Variants in ABHD17C observed in about 807,000 individuals in gnomAD.
The protein encoded by ABHD17C is abhydrolase domain containing 17C, depalmitoylase.
In ABHD17C, 11 loss-of-function variants were observed where a neutral mutation model predicts 27.9. The observed-to-expected ratio is 0.39, with a 90% confidence interval of 0.25 to 0.65. The LOEUF is 0.65. ABHD17C is among the 30% of genes least tolerant of loss of function. The pLI is 0.45. For missense variants in ABHD17C, 280 were observed against 470.2 expected (o/e 0.60, Z 3.74); for synonymous variants, 233 against 209.1 (o/e 1.11, Z -0.98).
At chr15:80,722,834 C>T (rs1397107670) in intron 1 of ABHD17C, among the ~76,000 whole-genome samples, 1 of 152,146 alleles carries the variant, frequency 6.6e-6, no homozygotes, top group Non-Finnish European at 1.5e-5. Flanking sequence ...CTGTGTCTGG[C>T]TTATTTCATG....
chr15:80,713,666 G>T (rs141138337), intron 1 of ABHD17C, among the ~76,000 whole-genome samples: 16,979 of 151,728 alleles, frequency 0.11, 1,088 homozygotes, highest in Middle Eastern at 0.15. Flanking sequence ...AAAATTAGCC[G>T]AGCGTGGTGG....
At chr15:80,701,427 C>T (rs1023953974) in intron 1 of ABHD17C, among the ~76,000 whole-genome samples, 1 of 151,828 alleles carries the variant, frequency 6.6e-6, no homozygotes, top group Admixed American at 6.6e-5. Context: ...AGCTGTAATC[C>T]CAGCACTTTG....
chr15:80,709,502 C>A (rs912053863), intron 1 of ABHD17C, among the ~76,000 whole-genome samples: 134 of 142,276 alleles, frequency 9.4e-4, no homozygotes, highest in African/African-American at 2.5e-3. Context: ...AAAAAAAAAA[C>A]AAAAAAACAC....
Position 80,754,578 on chromosome 15 carries a change from G to A in ABHD17C, c.*208G>A, listed in dbSNP as rs534899820. On this transcript the variant is annotated 3_prime_UTR_variant, in exon 3 of 3. Coordinates refer to ENST00000258884, the MANE Select transcript of ABHD17C (RefSeq NM_021214.2). ...ACACAACACGTTAAACTGAACAGTC[G>A]TGATTCCCAGCTTCATTACCTTGCA... 14 of 537,408 alleles carry A rather than the reference G, an allele frequency of 2.6e-5. No individual in the cohort carries two copies. The highest frequency in any genetic ancestry group is 6.2e-5 in the East Asian group (2 of 32,518). 33.3% of individuals were successfully genotyped at this position (537,408 alleles called of 1,614,324 possible).
At chr15:80,736,570 A>G (rs1484046737) in intron 1 of ABHD17C, among the ~76,000 whole-genome samples, 1 of 152,208 alleles carries the variant, frequency 6.6e-6, no homozygotes, top group African/African-American at 2.4e-5. Flanking sequence ...TTATAAAGTT[A>G]GTAGGATTTC....
chr15:80,703,076 G>A lies in ABHD17C; in HGVS notation c.590+7057G>A, dbSNP rs117760329. Reference sequence around the variant, plus strand: ...AAATGCAAGATCGAGGCACTTGCATGTTTGGTGTCCGATGATGACTGCTCT... The same window carrying A: ...AAATGCAAGATCGAGGCACTTGCATATTTGGTGTCCGATGATGACTGCTCT... On this transcript the variant is annotated intron_variant, in intron 1 of 2. Coordinates refer to ENST00000258884, the MANE Select transcript of ABHD17C (RefSeq NM_021214.2). The A allele has an allele frequency of 4.4e-4, 67 of 152,336 alleles. 3 individuals carry two copies. The East Asian group carries it at 0.013, about 29-fold the overall frequency. The allele number at this position is 152,336 out of a possible 1,614,324, so 9.4% of individuals were successfully genotyped here.
chr15:80,720,468 T>C (rs1426895027), intron 1 of ABHD17C, among the ~76,000 whole-genome samples: 1 of 152,190 alleles, frequency 6.6e-6, no homozygotes, highest in African/African-American at 2.4e-5. Context: ...GAAGGCATTG[T>C]CCTGTAGGCA....
chr15:80,726,993 G>A (rs1894989686), intron 1 of ABHD17C, among the ~76,000 whole-genome samples: 1 of 152,130 alleles, frequency 6.6e-6, no homozygotes, highest in African/African-American at 2.4e-5. Flanking sequence ...CCTAGTGCTG[G>A]GAGTTGAAAT....
chr15:80,713,190 G>T (rs1316296005), intron 1 of ABHD17C, among the ~76,000 whole-genome samples: 2 of 151,570 alleles, frequency 1.3e-5, no homozygotes, highest in Admixed American at 6.6e-5. Context: ...GCTCTCAGGC[G>T]CAGTGATGAG....
chr15:80,726,501 G>GTTTTTTTTTTT (rs10572505), intron 1 of ABHD17C, among the ~76,000 whole-genome samples: 9 of 94,500 alleles, frequency 9.5e-5, no homozygotes, highest in African/African-American at 4.8e-4. Flanking sequence ...TCTTTTTCTG[G>GTTTTTTTTTTT]TTTTTTTTTT....
At chr15:80,731,764 A>G (rs916637821) in intron 1 of ABHD17C, among the ~76,000 whole-genome samples, 15 of 152,194 alleles carry the variant, frequency 9.9e-5, no homozygotes, top group African/African-American at 3.1e-4. Context: ...AATCTCATTT[A>G]GAATTCAGGA....
chr15:80,744,687 A>G (rs781343378), intron 1 of ABHD17C, among the ~76,000 whole-genome samples: 1 of 152,192 alleles, frequency 6.6e-6, no homozygotes, highest in Non-Finnish European at 1.5e-5. Context: ...TTTTTTCCCA[A>G]CAAGTCACTG....
At chr15:80,744,601 A>G (rs1442939927) in intron 1 of ABHD17C, among the ~76,000 whole-genome samples, 1 of 152,224 alleles carries the variant, frequency 6.6e-6, no homozygotes, top group Non-Finnish European at 1.5e-5. Flanking sequence ...TTGTTTTCTG[A>G]GCCCTTTGAA....
chr15:80,695,578 G>GCGGCGC lies in ABHD17C; in HGVS notation c.156_161dup (p.Gly53_Ala54dup). Reference sequence around the variant, plus strand: ...TACACGGTGCTGGCGCCGGAGCAGCGCGGCGCCGGCGCGTCCGCCCCGGCC... The same window carrying GCGGCGC: ...TACACGGTGCTGGCGCCGGAGCAGCGCGGCGCCGGCGCCGGCGCGTCCGCCCCGGCC... On this transcript the variant is annotated inframe_insertion, in exon 1 of 3. Transcript: ENST00000258884. The surrounding 1 kb of genome is among the most constrained non-coding windows in gnomAD (Gnocchi z 4.3). The GCGGCGC allele has an allele frequency of 8.9e-7, 1 of 1,122,580 alleles. No individual in the cohort carries two copies. The highest frequency in any genetic ancestry group is 1.7e-5 in the African/African-American group (1 of 59,288). The allele number at this position is 1,122,580 out of a possible 1,614,324, so 69.5% of individuals were successfully genotyped here. A position where few individuals can be genotyped will look rare whatever the true frequency, so the allele number is the denominator to read the frequency against.
chr15:80,699,722 G>A (rs1315920429), intron 1 of ABHD17C, among the ~76,000 whole-genome samples: 1 of 152,216 alleles, frequency 6.6e-6, no homozygotes, highest in Non-Finnish European at 1.5e-5. Context: ...TCCAGAGTAA[G>A]GGTTTCAGGA....
chr15:80,751,195 C>T (rs1403375480), intron 2 of ABHD17C, among the ~76,000 whole-genome samples: 2 of 118,822 alleles, frequency 1.7e-5, no homozygotes, highest in Non-Finnish European at 4.0e-5. Context: ...ACTAAAAATA[C>T]AAAAAAAAAA....
At chr15:80,720,234 T>A (rs1159913449) in intron 1 of ABHD17C, among the ~76,000 whole-genome samples, 1 of 152,060 alleles carries the variant, frequency 6.6e-6, no homozygotes, top group Non-Finnish European at 1.5e-5. Context: ...TCTCCCAATT[T>A]AATTTTCTGC....
intron 2 of ABHD17C, among the ~76,000 whole-genome samples, chr15:80,751,396 G>C (rs1245927934): frequency 6.6e-6 from 1 of 152,050 alleles, no homozygotes; most frequent in Non-Finnish European, 1.5e-5. Flanking sequence ...CAATTACTGT[G>C]CTCATTTTAC....
intron 1 of ABHD17C, among the ~76,000 whole-genome samples, chr15:80,720,920 CAA>C (rs563220446): frequency 1.7e-4 from 21 of 121,602 alleles, no homozygotes; most frequent in Admixed American, 1.7e-4. Context: ...GACTCTGTCT[CAA>C]AAAAAAAAAA....
Sources: allele counts gnomAD v4.1 joint callset (sites outside exome capture counted in the v4.1 genomes callset), GRCh38; gene constraint gnomAD v4.1.1; non-coding constraint Gnocchi (gnomAD v3.1); transcripts MANE v1.5; gene names NCBI Gene and HGNC (gene_info 2026-07-23, HGNC 2026-07-21).